Variants in AFDN observed in about 807,000 individuals in gnomAD.
AFDN encodes the protein afadin, adherens junction formation factor, also known as afadin.
AFDN carries 68 observed loss-of-function variants against 216.6 expected under a neutral mutation model. The observed-to-expected ratio is 0.31, with a 90% confidence interval of 0.26 to 0.38. The LOEUF (loss-of-function observed/expected upper bound fraction) is 0.38, where lower values mean the gene tolerates loss of function less well. AFDN is among the 10% of genes least tolerant of loss of function. The pLI is 1.00. For synonymous variants in AFDN, 868 were observed against 853.7 expected, an observed-to-expected ratio of 1.02 and a Z score of -0.29; for missense variants, 2,136 against 2,342.0, an observed-to-expected ratio of 0.91 and a Z score of 1.82.
rs567689691 is a variant in AFDN at position 167,906,391 on chromosome 6, A to G, written c.1651-780A>G. ...ATGGAAAATATGAAAAGCTGGAAAG[A>G]CGTACAGTACAGTAATAATCGCTAG... On this transcript the variant is annotated intron_variant, in intron 12 of 33. Transcript: ENST00000683244. 2.9e-4 allele frequency among the ~76,000 whole-genome samples: 44 copies of G among 152,338 alleles called. 1 individual carries two copies. The highest frequency in any genetic ancestry group is 9.4e-4 in the African/African-American group (39 of 41,574).
At chr6:167,886,270 A>G (rs1395723025) in intron 6 of AFDN, among the ~76,000 whole-genome samples, 1 of 152,170 alleles carries the variant, frequency 6.6e-6, no homozygotes, top group Non-Finnish European at 1.5e-5. Context: ...TTTAGTAGGA[A>G]GTAGTGAGAA....
intron 9 of AFDN, 69 bp downstream of exon 9, chr6:167,893,975 G>C: frequency 8.6e-7 from 1 of 1,157,456 alleles, no homozygotes; most frequent in Non-Finnish European, 1.3e-6. Context: ...GAATAGTGTT[G>C]AATGACCAAA....
At chr6:167,862,577 C>G (rs191420473) in intron 1 of AFDN, among the ~76,000 whole-genome samples, 139 of 152,218 alleles carry the variant, frequency 9.1e-4, no homozygotes, top group African/African-American at 3.3e-3. Flanking sequence ...GTTCCACCAT[C>G]TTGGTCAGGC....
Position 167,970,102 on chromosome 6 carries a change from T to C in AFDN, c.*167T>C. 3.4e-6 allele frequency: 2 copies of C among 587,682 alleles called. No homozygotes were observed. Among genetic ancestry groups the C allele is most frequent in the South Asian group, 4.9e-5 (2 of 40,768 alleles). The allele number at this position is 587,682 out of a possible 1,614,324, so 36.4% of individuals were successfully genotyped here. ...TAGAAATGTTTCAATTCCAAGAAAT[T>C]TTATTTTACTTTACCATGAGATTGC... On this transcript the variant is annotated 3_prime_UTR_variant, in exon 34 of 34. Coordinates refer to ENST00000683244, the MANE Select transcript of AFDN (RefSeq NM_001386888.1).
chr6:167,827,889 T>G (rs1445154370), intron 1 of AFDN: 2 of 152,224 alleles, frequency 1.3e-5, no homozygotes, highest in Non-Finnish European at 2.9e-5. Context: ...GGCCCCAGGC[T>G]GGCTCCCTGA....
At chr6:167,858,289 A>G (rs1391622151) in intron 1 of AFDN, among the ~76,000 whole-genome samples, 3 of 152,204 alleles carry the variant, frequency 2.0e-5, no homozygotes, top group Non-Finnish European at 4.4e-5. Context: ...GTTGGCAGTT[A>G]TAACTGGGGC....
chr6:167,902,725 A>T (rs1411322784), intron 12 of AFDN, among the ~76,000 whole-genome samples: 1 of 152,236 alleles, frequency 6.6e-6, no homozygotes, highest in Non-Finnish European at 1.5e-5. Flanking sequence ...ATCTTATTGT[A>T]TTGTACTCAC....
chr6:167,889,147 GTTCTT>G, intron 6 of AFDN, 63 bp from the exon 7 acceptor site: 1 of 1,008,038 alleles, frequency 9.9e-7, no homozygotes, highest in Non-Finnish European at 1.5e-6. Flanking sequence ...CAATAAATGT[GTTCTT>G]TTAAGTACTT....
chr6:167,874,917 A>T (rs1785181615), intron 4 of AFDN, among the ~76,000 whole-genome samples: 1 of 152,072 alleles, frequency 6.6e-6, no homozygotes, highest in Non-Finnish European at 1.5e-5. Flanking sequence ...GCCCAGCCTA[A>T]ATTTACTGTA....
At chr6:167,928,654 A>C (rs1409795196) in intron 23 of AFDN, among the ~76,000 whole-genome samples, 1 of 152,230 alleles carries the variant, frequency 6.6e-6, no homozygotes, top group Non-Finnish European at 1.5e-5. Flanking sequence ...GCCTGAGTCC[A>C]GGGAGCCCAT....
At chr6:167,892,358 G>T (rs1787721084) in intron 8 of AFDN, among the ~76,000 whole-genome samples, 1 of 152,144 alleles carries the variant, frequency 6.6e-6, no homozygotes, top group Non-Finnish European at 1.5e-5. Context: ...ATGTTTGGTT[G>T]TCTGAGGTAA....
chr6:167,969,026 T>C, intron 32 of AFDN, 88 bp from the exon 33 acceptor site: 3 of 1,021,670 alleles, frequency 2.9e-6, no homozygotes, highest in East Asian at 2.4e-5. Context: ...AAGGTATTTT[T>C]GTATTCTCTG....
At chr6:167,907,517 C>T (rs1789854581) in intron 13 of AFDN, among the ~76,000 whole-genome samples, 2 of 152,146 alleles carry the variant, frequency 1.3e-5, no homozygotes, top group African/African-American at 2.4e-5. Flanking sequence ...AATAAGAGTA[C>T]ATTGAATTAA....
In AFDN at chr6:167,970,361, T is replaced by C. The variant is rs1417386797; in HGVS notation, c.*426T>C. The C allele has an allele frequency of 1.2e-5, 3 of 250,400 alleles. No individual in the cohort carries two copies. Among genetic ancestry groups the C allele is most frequent in the African/African-American group, 6.7e-5 (3 of 44,762 alleles). 15.5% of individuals were successfully genotyped at this position (250,400 alleles called of 1,614,324 possible). ...TTTATTTTAGCTGTCAAGCAGAGAATAGCTTGAACTATTCAGACTATTGTT... is the reference window on the plus strand; with the variant it reads ...TTTATTTTAGCTGTCAAGCAGAGAACAGCTTGAACTATTCAGACTATTGTT... On this transcript the variant is annotated 3_prime_UTR_variant, in exon 34 of 34. Coordinates refer to ENST00000683244, the MANE Select transcript of AFDN (RefSeq NM_001386888.1).
intron 1 of AFDN, among the ~76,000 whole-genome samples, chr6:167,829,946 T>G (rs1779644634): frequency 6.6e-6 from 1 of 152,230 alleles, no homozygotes; most frequent in South Asian, 2.1e-4. Context: ...ATAAGCAGGC[T>G]ATCACTGGAG....
At chr6:167,833,015 A>G (rs1583075599) in intron 1 of AFDN, among the ~76,000 whole-genome samples, 1 of 152,232 alleles carries the variant, frequency 6.6e-6, no homozygotes, top group Admixed American at 6.5e-5. Flanking sequence ...AACTCTAGGT[A>G]TGAACAGGTT....
At chr6:167,833,937 G>C (rs1277460394) in intron 1 of AFDN, among the ~76,000 whole-genome samples, 1 of 152,046 alleles carries the variant, frequency 6.6e-6, no homozygotes, top group Admixed American at 6.5e-5. Context: ...TCTGAGTGCT[G>C]CAGACTCCTA....
At chr6:167,853,313 A>G (rs993174689) in intron 1 of AFDN, among the ~76,000 whole-genome samples, 4 of 152,098 alleles carry the variant, frequency 2.6e-5, no homozygotes, top group Non-Finnish European at 4.4e-5. Context: ...TTATTACAAC[A>G]TATTGCCAGT....
chr6:167,966,461 T>A (rs773851763), intron 32 of AFDN, among the ~76,000 whole-genome samples: 1 of 152,204 alleles, frequency 6.6e-6, no homozygotes, highest in Non-Finnish European at 1.5e-5. Flanking sequence ...GTGCTAATAC[T>A]CTTTGGTAGA....
Sources: allele counts gnomAD v4.1 joint callset (sites outside exome capture counted in the v4.1 genomes callset), GRCh38; gene constraint gnomAD v4.1.1; transcripts MANE v1.5; gene names NCBI Gene and HGNC (gene_info 2026-07-23, HGNC 2026-07-21).